The following RANBP3L variants were observed in gnomAD, a reference collection of about 807,000 sequenced individuals.
The protein encoded by RANBP3L is ran-binding protein 3-like.
In RANBP3L, 56 loss-of-function variants were observed where a neutral mutation model predicts 67.2. That is an observed-to-expected ratio of 0.83 (90% confidence interval 0.67 to 1.04). The LOEUF (loss-of-function observed/expected upper bound fraction) is 1.04, where lower values mean the gene tolerates loss of function less well. RANBP3L is among the 50% of genes least tolerant of loss of function. RANBP3L has a pLI of 0.00. For synonymous variants in RANBP3L, 164 were observed against 181.4 expected, an observed-to-expected ratio of 0.90 and a Z score of 0.77; for missense variants, 496 against 535.5, an observed-to-expected ratio of 0.93 and a Z score of 0.73.
In RANBP3L at chr5:36,271,259, A is replaced by C. The variant is rs1561118561; in HGVS notation, c.144T>G (p.Thr48=). The C allele has an allele frequency of 6.5e-7, 1 of 1,547,734 alleles. No individual in the cohort carries two copies. The highest frequency in any genetic ancestry group is 8.9e-7 in the Non-Finnish European group (1 of 1,121,130). The stretch of plus-strand genomic sequence containing the variant: ...AAGAAGTAGTCAATCTTACCTTAAA[A>C]GTTTGTTCTCCCTTTTCAAAAACAA... ...PIFVFEKGEQ[T]FKRPAEDTLY... Residue 48 remains threonine (T), a synonymous_variant, in exon 2 of 14, where the codon ACT becomes ACG. Coordinates refer to ENST00000296604, the MANE Select transcript of RANBP3L (RefSeq NM_145000.5).
At chr5:36,294,217 G>A (rs1394491329) in intron 1 of RANBP3L, among the ~76,000 whole-genome samples, 9 of 151,852 alleles carry the variant, frequency 5.9e-5, no homozygotes, top group Non-Finnish European at 1.2e-4. Flanking sequence ...CTCTGATGGT[G>A]GTTTGTATTT....
chr5:36,275,743 A>T (rs932680675), intron 1 of RANBP3L, among the ~76,000 whole-genome samples: 1 of 152,148 alleles, frequency 6.6e-6, no homozygotes, highest in Non-Finnish European at 1.5e-5. Flanking sequence ...TAGAGCTTAA[A>T]CATAAAAATA....
At chr5:36,255,742 AT>A in intron 10 of RANBP3L, 152 bp from the exon 11 acceptor site, 1 of 501,084 alleles carries the variant, frequency 2.0e-6, no homozygotes, top group Non-Finnish European at 3.4e-6. Context: ...TATATTTAAC[AT>A]TTAGAAACAT....
intron 4 of RANBP3L, among the ~76,000 whole-genome samples, chr5:36,266,503 A>C (rs1749796800): frequency 1.3e-5 from 2 of 152,180 alleles, no homozygotes; most frequent in African/African-American, 4.8e-5. Flanking sequence ...AGTTCAATTT[A>C]ATGTTTTTTA....
intron 1 of RANBP3L, among the ~76,000 whole-genome samples, chr5:36,298,167 G>A (rs1313609883): frequency 6.6e-6 from 1 of 151,958 alleles, no homozygotes; most frequent in Non-Finnish European, 1.5e-5. Flanking sequence ...AGGCATGGTG[G>A]AGTGTGCCTG....
At chr5:36,294,638 T>G (rs1272750404) in intron 1 of RANBP3L, among the ~76,000 whole-genome samples, 3 of 151,930 alleles carry the variant, frequency 2.0e-5, no homozygotes, top group African/African-American at 7.2e-5. Context: ...CATTTTTATT[T>G]CTGCCTTCAT....
At chr5:36,298,840 G>A (rs1283609945) in intron 1 of RANBP3L, among the ~76,000 whole-genome samples, 1 of 152,150 alleles carries the variant, frequency 6.6e-6, no homozygotes, top group East Asian at 1.9e-4. Context: ...CAGTCTTGTG[G>A]GTATTTTGGG....
At chr5:36,263,625 G>A (rs866885095) in intron 6 of RANBP3L, among the ~76,000 whole-genome samples, 5 of 151,856 alleles carry the variant, frequency 3.3e-5, no homozygotes, top group Admixed American at 2.0e-4. Flanking sequence ...GTACCATCTC[G>A]GTTCACTGCA....
chr5:36,259,793 A>G (rs1180169477), intron 8 of RANBP3L, among the ~76,000 whole-genome samples: 1 of 152,302 alleles, frequency 6.6e-6, no homozygotes. Context: ...GTGATGGACC[A>G]GATAAAACCA....
chr5:36,271,168 C>T (rs1049729129), intron 2 of RANBP3L, 85 bp downstream of exon 2: 17 of 802,928 alleles, frequency 2.1e-5, no homozygotes, highest in African/African-American at 1.5e-4. Flanking sequence ...CCTATGCAGC[C>T]GTGATATCTT....
chr5:36,278,789 G>A (rs1750773033), intron 1 of RANBP3L, among the ~76,000 whole-genome samples: 1 of 152,060 alleles, frequency 6.6e-6, no homozygotes, highest in African/African-American at 2.4e-5. Context: ...TTAGTCATTC[G>A]GATATTCTGC....
At chr5:36,269,869 T>C (rs1750086031) in intron 3 of RANBP3L, 82 bp downstream of exon 3, 3 of 1,119,870 alleles carry the variant, frequency 2.7e-6, no homozygotes, top group South Asian at 1.2e-5. Context: ...TCACATAGTC[T>C]GTGCCACATG....
rs910905469 is a variant in RANBP3L, at chr5:36,294,752, G to A, written c.91+6574C>T. ...TATTTGGTTTTATATATATATATAT[G>A]TATAGTGTGTGTATATATATAGTGT... On this transcript the variant is annotated intron_variant, in intron 1 of 13. Coordinates refer to ENST00000296604, the MANE Select transcript of RANBP3L (RefSeq NM_145000.5). Among the ~76,000 whole-genome samples, 500 of 149,124 alleles carry A rather than the reference G, an allele frequency of 3.4e-3. 4 individuals carry two copies. Among genetic ancestry groups the A allele is most frequent in the African/African-American group, 0.011 (469 of 40,820 alleles).
chr5:36,266,877 G>C (rs10080095), intron 4 of RANBP3L, among the ~76,000 whole-genome samples: 130,830 of 152,020 alleles, frequency 0.86, 57,871 homozygotes, highest in Non-Finnish European at 0.97. Context: ...TTGCCTCAGC[G>C]CCCCAAGTAG....
rs536323030 is a variant in RANBP3L, at chr5:36,284,768, T to C, written c.92-13457A>G. ...GCCACTTGCTCTGAGCTGCTAGGTGTGCACTGATACATCTGTATTTTTGCA... is the reference window on the plus strand; with the variant it reads ...GCCACTTGCTCTGAGCTGCTAGGTGCGCACTGATACATCTGTATTTTTGCA... On this transcript the variant is annotated intron_variant, in intron 1 of 13. Transcript: ENST00000296604. 1.8e-4 allele frequency among the ~76,000 whole-genome samples: 27 copies of C among 152,352 alleles called. No individual in the cohort carries two copies. The South Asian group carries it at 4.1e-3, about 23-fold the overall frequency.
chr5:36,287,021 G>A (rs1751373994), intron 1 of RANBP3L, among the ~76,000 whole-genome samples: 1 of 152,150 alleles, frequency 6.6e-6, no homozygotes, highest in African/African-American at 2.4e-5. Flanking sequence ...CATGGGACTG[G>A]AAGACAATTT....
At chr5:36,276,580 T>C (rs1750583728) in intron 1 of RANBP3L, among the ~76,000 whole-genome samples, 1 of 151,858 alleles carries the variant, frequency 6.6e-6, no homozygotes, top group Non-Finnish European at 1.5e-5. Flanking sequence ...CAATCAATGT[T>C]TACAATAAAC....
chr5:36,266,986 G>A (rs1749842886), intron 4 of RANBP3L, among the ~76,000 whole-genome samples: 1 of 152,102 alleles, frequency 6.6e-6, no homozygotes. Flanking sequence ...CGAACTCCTG[G>A]CCTGCAGAGA....
chr5:36,279,742 T>C (rs546038993), intron 1 of RANBP3L, among the ~76,000 whole-genome samples: 5 of 152,312 alleles, frequency 3.3e-5, no homozygotes, highest in East Asian at 3.9e-4. Flanking sequence ...GTTTTAACTA[T>C]ACTTGTTCTT....
Sources: allele counts gnomAD v4.1 joint callset (sites outside exome capture counted in the v4.1 genomes callset), GRCh38; gene constraint gnomAD v4.1.1; transcripts MANE v1.5; gene names NCBI Gene and HGNC (gene_info 2026-07-23, HGNC 2026-07-21).